MYT1: variants seen among roughly 807,000 people sequenced by gnomAD.
MYT1 encodes the protein myelin transcription factor I.
MYT1 carries 23 observed loss-of-function variants against 123.0 expected under a neutral mutation model. The ratio of observed to expected loss-of-function variants is 0.19; its 90% CI spans 0.13 to 0.26. MYT1 has a LOEUF of 0.26. MYT1 is among the 10% of genes least tolerant of loss of function. The pLI, the probability that MYT1 is intolerant of heterozygous loss-of-function variation, is 1.00. For synonymous variants in MYT1, 518 were observed against 575.3 expected, an observed-to-expected ratio of 0.90 and a Z score of 1.43; for missense variants, 1,125 against 1,472.5, an observed-to-expected ratio of 0.76 and a Z score of 3.86.
chr20:64,241,630 T>G lies in MYT1; in HGVS notation c.*1182T>G, dbSNP rs1473423552. 1 of 152,568 alleles carries G rather than the reference T, an allele frequency of 6.6e-6. No homozygotes were observed. Among genetic ancestry groups the G allele is most frequent in the African/African-American group, 2.4e-5 (1 of 41,462 alleles). The allele number at this position is 152,568 out of a possible 1,614,324, so 9.5% of individuals were successfully genotyped here. On this transcript the variant is annotated 3_prime_UTR_variant, in exon 23 of 23. Coordinates refer to ENST00000328439, the MANE Select transcript of MYT1 (RefSeq NM_004535.3). The surrounding 1 kb of genome is among the most constrained non-coding windows in gnomAD (Gnocchi z 4.2). ...GTTTGCTATTTATTTAACATTTTTA[T>G]TTATTAATTTTATACTATTTCAACT... is the stretch of plus-strand genomic sequence containing the variant.
At chr20:64,195,971 C>T (rs537690538) in intron 2 of MYT1, among the ~76,000 whole-genome samples, 81 of 152,206 alleles carry the variant, frequency 5.3e-4, no homozygotes, top group Admixed American at 7.9e-4. Context: ...AGCCTCAAGA[C>T]ATGCTCGCAG....
Position 64,196,504 on chromosome 20 carries a change from A to G in MYT1, c.1-2358A>G, listed in dbSNP as rs1161784586. On this transcript the variant is annotated intron_variant, in intron 2 of 22. Transcript: ENST00000328439. The surrounding 1 kb of genome is among the most constrained non-coding windows in gnomAD (Gnocchi z 4.3). ...GCGTCAGCCGGCACTGCTGATTTCA[A>G]ATAGCTCAGAAACCAGTGTCCCAAG... 6.6e-6 allele frequency among the ~76,000 whole-genome samples: 1 copy of G among 152,254 alleles called. No individual in the cohort carries two copies. Among genetic ancestry groups the G allele is most frequent in the Non-Finnish European group, 1.5e-5 (1 of 68,046 alleles).
chr20:64,193,814 A>G lies in MYT1; in HGVS notation c.-1+3654A>G, dbSNP rs1488160644. On this transcript the variant is annotated intron_variant, in intron 2 of 22. Transcript: ENST00000328439. This position sits in a 1 kb window ranked among gnomAD's most constrained non-coding sequence, Gnocchi z 4.0. The stretch of plus-strand genomic sequence containing the variant: ...CCGTCCCACCGAGACACTATAACCT[A>G]TGTAATTTTATGGATTTTTAAAGAA... Among the ~76,000 whole-genome samples, 1 of 152,156 alleles carries G rather than the reference A, an allele frequency of 6.6e-6. No individual in the cohort carries two copies. Among genetic ancestry groups the G allele is most frequent in the Admixed American group, 6.5e-5 (1 of 15,278 alleles).
At position 64,192,875 on chromosome 20, in the gene MYT1, G is replaced by C. The variant is rs1257211958; in HGVS notation, c.-1+2715G>C. Among the ~76,000 whole-genome samples the C allele has an allele frequency of 2.6e-5, 4 of 152,186 alleles. No homozygotes were observed. The highest frequency in any genetic ancestry group is 1.9e-4 in the East Asian group (1 of 5,188). On this transcript the variant is annotated intron_variant, in intron 2 of 22. Transcript: ENST00000328439. The surrounding 1 kb of genome is among the most constrained non-coding windows in gnomAD (Gnocchi z 5.3). The stretch of plus-strand genomic sequence containing the variant: ...TCTTTATGTTGTTGGATTCTACCCT[G>C]GGTGGGTATAAATTCCATTTATGCT...
chr20:64,210,599 A>T (rs570112270), intron 7 of MYT1, among the ~76,000 whole-genome samples: 7 of 152,224 alleles, frequency 4.6e-5, no homozygotes, highest in Admixed American at 3.3e-4. Flanking sequence ...ACCCTCCCAA[A>T]GGGGACAGCT....
chr20:64,194,810 C>T (rs1983060201), intron 2 of MYT1, among the ~76,000 whole-genome samples: 1 of 152,224 alleles, frequency 6.6e-6, no homozygotes, highest in Non-Finnish European at 1.5e-5. Flanking sequence ...ATCTCCAACC[C>T]TGATATCTTT....
In MYT1 at chr20:64,208,145, A is replaced by G; in HGVS notation, c.949A>G (p.Thr317Ala). ...TCCTGATGTGATCTTTCAGGAAGAC[A>G]CCTCTCACACCTCTGCCCAGAAGGC... The part of the protein sequence containing the change: ...AAPDVIFQED[T>A]SHTSAQKAPE... Residue 317 changes from threonine (T) to alanine (A), a missense_variant, in exon 7 of 23, where the codon ACC becomes GCC. Physicochemically the swap from Thr to Ala is moderately conservative, Grantham distance 58. Transcript: ENST00000328439. This position sits in a 1 kb window ranked among gnomAD's most constrained non-coding sequence, Gnocchi z 5.4. 1 of 1,612,522 alleles carries G rather than the reference A, an allele frequency of 6.2e-7. No individual in the cohort carries two copies.
At position 64,217,262 on chromosome 20, in the gene MYT1, C is replaced by T; in HGVS notation, c.1827C>T (p.Thr609=). 1 of 1,614,248 alleles carries T rather than the reference C, an allele frequency of 6.2e-7. No individual in the cohort carries two copies. Among genetic ancestry groups the T allele is most frequent in the Non-Finnish European group, 8.5e-7 (1 of 1,180,048 alleles). The change falls in exon 11 of 23, where the codon ACC becomes ACT. Residue 609 remains threonine (T), a synonymous_variant. Transcript: ENST00000328439. Reference sequence around the variant, plus strand: ...CCCCAAAGATTCAGACCAGCGAAACCTCACCTAAAGCCTTTCAATGTAAGT... The same window carrying T: ...CCCCAAAGATTCAGACCAGCGAAACTTCACCTAAAGCCTTTCAATGTAAGT... ...MLAPKIQTSE[T]SPKAFQCFDY... is the part of the protein sequence containing the mutation.
intron 16 of MYT1, 66 bp downstream of exon 16, chr20:64,223,425 G>A (rs34877267): frequency 0.046 from 71,941 of 1,566,364 alleles, 1,955 homozygotes; most frequent in Middle Eastern, 0.056. Context: ...CCTTCCATGA[G>A]GCTCCTGCCA....
At position 64,203,653 on chromosome 20, in the gene MYT1, A is replaced by G. The variant is rs1347575139; in HGVS notation, c.87-1382A>G. On this transcript the variant is annotated intron_variant, in intron 4 of 22. Transcript: ENST00000328439. The surrounding 1 kb of genome is among the most constrained non-coding windows in gnomAD (Gnocchi z 5.1). ...AGAGAACATCCCCCTCCCCCACCCC[A>G]TGGCTGCTGTTGAGCCAGGGGATAG... is the stretch of plus-strand genomic sequence containing the variant. Among the ~76,000 whole-genome samples the G allele has an allele frequency of 6.6e-6, 1 of 151,344 alleles. No homozygotes were observed. The highest frequency in any genetic ancestry group is 1.5e-5 in the Non-Finnish European group (1 of 67,816).
chr20:64,228,155 T>TG, intron 18 of MYT1, 184 bp downstream of exon 18: 3 of 617,864 alleles, frequency 4.9e-6, no homozygotes, highest in Non-Finnish European at 8.4e-6. Flanking sequence ...CGTTGATACC[T>TG]GTGAAGATAG....
At chr20:64,165,234 C>T (rs192167175) in intron 1 of MYT1, among the ~76,000 whole-genome samples, 311 of 151,966 alleles carry the variant, frequency 2.0e-3, no homozygotes, top group Non-Finnish European at 3.5e-3. Flanking sequence ...GAGGTGCTCA[C>T]GTGAACGTTT....
intron 1 of MYT1, among the ~76,000 whole-genome samples, chr20:64,170,276 G>A (rs1982211398): frequency 6.6e-6 from 1 of 151,944 alleles, no homozygotes; most frequent in Admixed American, 6.6e-5. Context: ...TTGAAATCCC[G>A]CTCTCGGGAT....
chr20:64,164,808 G>C (rs538139984), intron 1 of MYT1, 69 bp downstream of exon 1: 2 of 152,200 alleles, frequency 1.3e-5, no homozygotes, highest in Non-Finnish European at 2.9e-5. Context: ...CTTGGACAGA[G>C]ACAGGGAGAG....
Position 64,207,979 on chromosome 20 carries a change from C to CGAGGAGGAGGAGGAGGAGGAA in MYT1, c.801_821dup (p.Glu267_Glu273dup). On this transcript the variant is annotated inframe_insertion, in exon 7 of 23. Transcript: ENST00000328439. ...GCATCCTGAGTCACGAAGAGGAGGA[C>CGAGGAGGAGGAGGAGGAGGAA]GAGGAGGAGGAGGAGGAGGAAGAGG... The CGAGGAGGAGGAGGAGGAGGAA allele has an allele frequency of 3.2e-6, 5 of 1,569,118 alleles. No individual in the cohort carries two copies. Among genetic ancestry groups the CGAGGAGGAGGAGGAGGAGGAA allele is most frequent in the Middle Eastern group, 1.9e-4 (1 of 5,194 alleles).
chr20:64,237,180 T>G, intron 20 of MYT1, 107 bp from the exon 21 acceptor site: 3 of 797,396 alleles, frequency 3.8e-6, no homozygotes, highest in Non-Finnish European at 6.1e-6. Context: ...AGGGGAGACC[T>G]CTGCTGCACA....
intron 14 of MYT1, among the ~76,000 whole-genome samples, chr20:64,222,416 G>A (rs1256326655): frequency 6.6e-6 from 1 of 152,240 alleles, no homozygotes; most frequent in African/African-American, 2.4e-5. Context: ...AGCTGGGCAC[G>A]TTCTGCCCTG....
chr20:64,211,979 C>A, intron 8 of MYT1, 69 bp from the exon 9 acceptor site: 2 of 1,342,170 alleles, frequency 1.5e-6, no homozygotes, highest in South Asian at 1.2e-5. Flanking sequence ...AGCCTGTGCT[C>A]CCCACACAGC....
chr20:64,210,108 G>A (rs1003785062), intron 7 of MYT1, among the ~76,000 whole-genome samples: 1 of 152,352 alleles, frequency 6.6e-6, no homozygotes, highest in South Asian at 2.1e-4. Flanking sequence ...GAGGAACACA[G>A]ACACCAAGTG....
Sources: allele counts gnomAD v4.1 joint callset (sites outside exome capture counted in the v4.1 genomes callset), GRCh38; gene constraint gnomAD v4.1.1; non-coding constraint Gnocchi (gnomAD v3.1); transcripts MANE v1.5; gene names NCBI Gene and HGNC (gene_info 2026-07-23, HGNC 2026-07-21).